The following ATM variants were observed in gnomAD, a reference collection of about 807,000 sequenced individuals.
The protein encoded by ATM is ATM serine/threonine kinase.
A neutral mutation model predicts 387.0 loss-of-function variants in ATM; 308 were observed. The observed-to-expected ratio is 0.80, with a 90% CI of 0.73 to 0.87. The LOEUF (loss-of-function observed/expected upper bound fraction) is 0.87, where lower values mean the gene tolerates loss of function less well. Ranked by LOEUF, ATM falls within the 40% of genes least tolerant of loss-of-function variation. The pLI is 0.00. For missense variants in ATM, 3,312 were observed against 3,560.9 expected, an observed-to-expected ratio of 0.93 and a Z score of 1.78; for synonymous variants, 1,156 against 1,187.3, an observed-to-expected ratio of 0.97 and a Z score of 0.54.
At chr11:108,268,721 T>A in intron 18 of ATM, 112 bp downstream of exon 18, 1 of 1,213,542 alleles carries the variant, frequency 8.2e-7, no homozygotes, top group Non-Finnish European at 1.2e-6. Context: ...GAAATTGCTT[T>A]CTTGAGAAAT....
rs372795527 is a variant in ATM at position 108,365,368 on chromosome 11, A to G, written c.9031A>G (p.Met3011Val). 3.9e-5 allele frequency: 63 copies of G among 1,614,066 alleles called. No individual in the cohort carries two copies. Among genetic ancestry groups the G allele is most frequent in the Non-Finnish European group, 5.1e-5 (60 of 1,180,048 alleles). Reference protein sequence around the residue: ...SFNKVAERVLMRLQEKLKGVE... With the variant: ...SFNKVAERVLVRLQEKLKGVE... ...CAACAAAGTAGCTGAACGTGTCTTA[A>G]TGAGACTACAAGAGAAACTGAAAGG... is the stretch of plus-strand genomic sequence containing the variant. Residue 3011 changes from methionine (M) to valine (V), a missense_variant, in exon 63 of 63, where the codon ATG (methionine) becomes GTG (valine). This residue lies in a region of ATM where 95 missense variants were observed against 100.3 expected (regional missense o/e 0.95). Transcript: ENST00000675843.
chr11:108,281,315 T>C lies in ATM; in HGVS notation c.3576+147T>C, dbSNP rs1350573826. On this transcript the variant is annotated intron_variant, in intron 24 of 62. Transcript: ENST00000675843. ...GGTTGGGAATATTGGAAAGCAGTTATACAAAAACTATTCAAATGGTATATT... is the reference window on the plus strand; with the variant it reads ...GGTTGGGAATATTGGAAAGCAGTTACACAAAAACTATTCAAATGGTATATT... The C allele has an allele frequency of 6.2e-6, 5 of 804,066 alleles. No homozygotes were observed. The Admixed American group carries it at 9.3e-5, about 15-fold the overall frequency. The allele number at this position is 804,066 out of a possible 1,614,324, so 49.8% of individuals were successfully genotyped here.
chr11:108,353,069 TG>T (rs2089405965), intron 59 of ATM, among the ~76,000 whole-genome samples: 1 of 152,080 alleles, frequency 6.6e-6, no homozygotes, highest in African/African-American at 2.4e-5. Flanking sequence ...TGGGGTGAAA[TG>T]GGGAAAAGGC....
At chr11:108,260,605 T>A (rs1005923203) in intron 16 of ATM, among the ~76,000 whole-genome samples, 2 of 152,220 alleles carry the variant, frequency 1.3e-5, no homozygotes, top group Non-Finnish European at 2.9e-5. Flanking sequence ...TTACAAAACT[T>A]CTTAATATAA....
At chr11:108,341,038 CATT>C (rs1484128866) in intron 56 of ATM, among the ~76,000 whole-genome samples, 2 of 152,086 alleles carry the variant, frequency 1.3e-5, no homozygotes, top group African/African-American at 4.8e-5. Flanking sequence ...CATGAGTTCA[CATT>C]ATCCCTGAAT....
intron 4 of ATM, chr11:108,229,851 T>C (rs924958875): frequency 6.5e-6 from 1 of 153,362 alleles, no homozygotes; most frequent in African/African-American, 2.4e-5. Context: ...AGGCTGATTT[T>C]TTTTTTTTTT....
At position 108,255,879 on chromosome 11, in the gene ATM, C is replaced by T. The variant is rs372315669; in HGVS notation, c.2125-336C>T. The stretch of plus-strand genomic sequence containing the variant: ...TGTAATTTCTACTTGTGTTCTAAGA[C>T]TTACAGTCATTTATTTGCCTGTGAA... On this transcript the variant is annotated intron_variant, in intron 13 of 62. Coordinates refer to ENST00000675843, the MANE Select transcript of ATM (RefSeq NM_000051.4). Among the ~76,000 whole-genome samples the T allele has an allele frequency of 1.1e-3, 161 of 152,262 alleles. 1 individual carries two copies. In the South Asian group the frequency reaches 0.033, roughly 31 times the overall value.
chr11:108,242,522 C>G lies in ATM; in HGVS notation c.497-1431C>G, dbSNP rs990670503. Among the ~76,000 whole-genome samples the G allele has an allele frequency of 2.6e-5, 4 of 152,086 alleles. No homozygotes were observed. The East Asian group carries it at 7.7e-4, about 29-fold the overall frequency. ...TCCCCTTTGTAGATGACATGATTGT[C>G]TATATATAAAGTCCCAATATACACA... is the stretch of plus-strand genomic sequence containing the variant. On this transcript the variant is annotated intron_variant, in intron 5 of 62. Coordinates refer to ENST00000675843, the MANE Select transcript of ATM (RefSeq NM_000051.4).
At chr11:108,312,903 C>G (rs991762217) in intron 40 of ATM, among the ~76,000 whole-genome samples, 19 of 152,144 alleles carry the variant, frequency 1.2e-4, no homozygotes, top group African/African-American at 4.6e-4. Context: ...CTTAAATTGG[C>G]TCATGTTACT....
Position 108,359,872 on chromosome 11 carries a change from TC to T in ATM, c.8850+4999del, listed in dbSNP as rs554537337. Reference sequence around the variant, plus strand: ...AAGATCCAAAACTGACACCCTAACATCACAATTAAAAGAGCTAGAAAAGGAA... The same window carrying T: ...AAGATCCAAAACTGACACCCTAACATACAATTAAAAGAGCTAGAAAAGGAA... On this transcript the variant is annotated intron_variant, in intron 61 of 62. Coordinates refer to ENST00000675843, the MANE Select transcript of ATM (RefSeq NM_000051.4). 2.1e-3 allele frequency among the ~76,000 whole-genome samples: 315 copies of T among 151,882 alleles called. 1 individual carries two copies. The highest frequency in any genetic ancestry group is 7.1e-3 in the African/African-American group (294 of 41,386).
chr11:108,233,740 G>T (rs570933174), intron 4 of ATM, among the ~76,000 whole-genome samples: 37 of 152,112 alleles, frequency 2.4e-4, no homozygotes, highest in African/African-American at 8.0e-4. Flanking sequence ...CTAGCTACCT[G>T]GGAGGCTGAC....
intron 5 of ATM, 148 bp downstream of exon 5, chr11:108,235,982 C>A (rs1225447812): frequency 1.3e-5 from 11 of 818,004 alleles, no homozygotes; most frequent in Non-Finnish European, 2.2e-5. Context: ...ATCGAACTGA[C>A]CCTTAATTTT....
At chr11:108,245,311 C>G (rs890488903) in intron 7 of ATM, among the ~76,000 whole-genome samples, 15 of 152,170 alleles carry the variant, frequency 9.9e-5, no homozygotes, top group African/African-American at 2.7e-4. Flanking sequence ...TGCATCAATA[C>G]TTAGATACTA....
At chr11:108,327,822 A>C in intron 48 of ATM, 64 bp downstream of exon 48, 1 of 1,201,012 alleles carries the variant, frequency 8.3e-7, no homozygotes, top group Non-Finnish European at 1.2e-6. Context: ...TCTTTTCATC[A>C]AGATCAATAT....
In ATM at chr11:108,354,783, T is replaced by C. The variant is rs370274917; in HGVS notation, c.8787-28T>C. 56 of 1,595,348 alleles carry C rather than the reference T, an allele frequency of 3.5e-5. No homozygotes were observed. Among genetic ancestry groups the C allele is most frequent in the Non-Finnish European group, 4.6e-5 (54 of 1,163,066 alleles). ...TTGACAACATTGGTGTGTAACAAAA[T>C]CCGTATTTATAATGTGTTTGACTCT... On this transcript the variant is annotated intron_variant, in intron 60 of 62. Coordinates refer to ENST00000675843, the MANE Select transcript of ATM (RefSeq NM_000051.4).
At chr11:108,227,216 T>C (rs1044025215) in intron 1 of ATM, 3 of 169,968 alleles carry the variant, frequency 1.8e-5, no homozygotes, top group African/African-American at 7.2e-5. Context: ...GGTTTCACCA[T>C]GTTGGTCAGG....
At chr11:108,293,894 A>AAAATATAT (rs1491178678) in intron 31 of ATM, among the ~76,000 whole-genome samples, 4 of 83,706 alleles carry the variant, frequency 4.8e-5, no homozygotes, top group Admixed American at 1.6e-4. Context: ...AAAAAAAAAA[A>AAAATATAT]ATATATATAT....
At chr11:108,255,373 T>C (rs1301170011) in intron 13 of ATM, among the ~76,000 whole-genome samples, 1 of 151,926 alleles carries the variant, frequency 6.6e-6, no homozygotes, top group Non-Finnish European at 1.5e-5. Flanking sequence ...ATCTGAACAT[T>C]TTGTGTGTAA....
chr11:108,359,194 AAAG>A (rs1192665545), intron 61 of ATM, among the ~76,000 whole-genome samples: 2 of 151,648 alleles, frequency 1.3e-5, no homozygotes, highest in African/African-American at 4.8e-5. Flanking sequence ...CAAAAGAAAC[AAAG>A]AAGGCCATTA....
Sources: allele counts gnomAD v4.1 joint callset (sites outside exome capture counted in the v4.1 genomes callset), GRCh38; gene constraint gnomAD v4.1.1; regional missense constraint gnomAD v4.1.1; transcripts MANE v1.5; gene names NCBI Gene and HGNC (gene_info 2026-07-23, HGNC 2026-07-21).